NRG1: variants seen among roughly 807,000 people sequenced by gnomAD.
NRG1 encodes the protein neuregulin 1.
In NRG1, 18 loss-of-function variants were observed where a neutral mutation model predicts 63.8. The ratio of observed to expected loss-of-function variants is 0.28; its 90% confidence interval spans 0.19 to 0.42. NRG1 has a LOEUF of 0.42. Among genes scored for constraint, NRG1 ranks in the 10% least tolerant of loss-of-function variants. The pLI is 1.00. For synonymous variants in NRG1, 302 were observed against 301.3 expected (o/e 1.00, Z -0.02); for missense variants, 762 against 814.7 (o/e 0.94, Z 0.79).
intron 1 of NRG1, among the ~76,000 whole-genome samples, chr8:32,165,654 T>C (rs758856176): frequency 6.6e-6 from 1 of 152,200 alleles, no homozygotes; most frequent in Non-Finnish European, 1.5e-5. Context: ...TAATGTGTAA[T>C]TCTGAATTTA....
Position 31,854,062 on chromosome 8 carries a change from T to C in NRG1, c.37+214631T>C, listed in dbSNP as rs1276350753. ...CATCAATGTTCATCAAGGATATTGG[T>C]CTAAAATTCTCTTTTTTTGTTGTGT... On this transcript the variant is annotated intron_variant, in intron 1 of 10. Coordinates refer to the NRG1 transcript ENST00000519301. Among the ~76,000 whole-genome samples, 7 of 151,294 alleles carry C rather than the reference T, an allele frequency of 4.6e-5. No individual in the cohort carries two copies. The East Asian group carries it at 9.8e-4, about 21-fold the overall frequency.
Position 31,854,856 on chromosome 8 carries a change from C to T in NRG1, c.37+215425C>T, listed in dbSNP as rs1011221577. 1.1e-4 allele frequency among the ~76,000 whole-genome samples: 16 copies of T among 152,186 alleles called. No homozygotes were observed. The East Asian group carries it at 1.9e-3, about 18-fold the overall frequency. On this transcript the variant is annotated intron_variant, in intron 1 of 10. Coordinates refer to the NRG1 transcript ENST00000519301. ...CAAAGAACATCTTTATTTCTGCCTT[C>T]GTTTCGTTATGTACCCAGTAGTCAT... is the stretch of plus-strand genomic sequence containing the variant.
Position 31,856,447 on chromosome 8 carries a change from T to G in NRG1, c.37+217016T>G, listed in dbSNP as rs1453152471. On this transcript the variant is annotated intron_variant, in intron 1 of 10. Coordinates refer to the NRG1 transcript ENST00000519301. ...GCATTCTTCACGTAGTTCTCGAGCC[T>G]TGGTTTTTAGCTCCATCAGCTCCTT... is the stretch of plus-strand genomic sequence containing the variant. Among the ~76,000 whole-genome samples, 3 of 152,244 alleles carry G rather than the reference T, an allele frequency of 2.0e-5. No individual in the cohort carries two copies. The East Asian group carries it at 5.8e-4, about 29-fold the overall frequency.
intron 1 of NRG1, among the ~76,000 whole-genome samples, chr8:32,222,682 C>T (rs1222576452): frequency 6.6e-6 from 1 of 152,162 alleles, no homozygotes; most frequent in African/African-American, 2.4e-5. Context: ...TTTTCCCCCA[C>T]TGTCACTGCA....
chr8:32,575,536 A>G (rs1839467412), intron 1 of NRG1, among the ~76,000 whole-genome samples: 1 of 152,142 alleles, frequency 6.6e-6, no homozygotes, highest in Admixed American at 6.5e-5. Context: ...GCTCAACTGC[A>G]TGGATATTTA....
At chr8:32,695,358 A>G (rs775043599) in intron 5 of NRG1, among the ~76,000 whole-genome samples, 7 of 151,984 alleles carry the variant, frequency 4.6e-5, no homozygotes, top group Non-Finnish European at 8.8e-5. Flanking sequence ...AGAAGGAAAG[A>G]AAGAGAGAGA....
At chr8:32,076,014 G>A (rs1826478100) in intron 1 of NRG1, among the ~76,000 whole-genome samples, 1 of 152,182 alleles carries the variant, frequency 6.6e-6, no homozygotes, top group African/African-American at 2.4e-5. Flanking sequence ...TTTGATCTAT[G>A]ATTGGTTGAA....
chr8:32,705,864 C>T (rs2128970755), intron 5 of NRG1, among the ~76,000 whole-genome samples: 1 of 152,330 alleles, frequency 6.6e-6, no homozygotes, highest in East Asian at 1.9e-4. Context: ...AAAAACATTT[C>T]CTACATGTCC....
chr8:32,314,713 G>C (rs1401330203), intron 1 of NRG1, among the ~76,000 whole-genome samples: 1 of 152,188 alleles, frequency 6.6e-6, no homozygotes, highest in Non-Finnish European at 1.5e-5. Flanking sequence ...CCTCCCTGCA[G>C]TCTGAGGAAT....
At chr8:32,705,578 C>T (rs1816183355) in intron 5 of NRG1, among the ~76,000 whole-genome samples, 1 of 152,196 alleles carries the variant, frequency 6.6e-6, no homozygotes, top group Non-Finnish European at 1.5e-5. Context: ...TCCTCTTGAT[C>T]TACTCTTTAT....
chr8:32,218,917 G>C (rs1442290441), intron 1 of NRG1, among the ~76,000 whole-genome samples: 1 of 152,136 alleles, frequency 6.6e-6, no homozygotes, highest in Non-Finnish European at 1.5e-5. Context: ...ATGCATGGCA[G>C]TACCCTTAAT....
chr8:32,738,614 G>A (rs1002590880), intron 6 of NRG1, among the ~76,000 whole-genome samples: 6 of 152,300 alleles, frequency 3.9e-5, no homozygotes, highest in Admixed American at 1.3e-4. Context: ...TGGATTGAAT[G>A]TTTAACATAC....
rs556663637 is a variant in NRG1, at chr8:32,172,457, A to G, written c.38-423371A>G. The stretch of plus-strand genomic sequence containing the variant: ...AGAACGCCTCTCCTCCTCCAAAGGA[A>G]TGCAGCTCCTTACCAGCAATGGAAC... On this transcript the variant is annotated intron_variant, in intron 1 of 10. Coordinates refer to the NRG1 transcript ENST00000519301. Among the ~76,000 whole-genome samples the G allele has an allele frequency of 1.6e-4, 25 of 152,362 alleles. 1 individual carries two copies. In the South Asian group the frequency reaches 3.7e-3, roughly 23 times the overall value.
intron 1 of NRG1, among the ~76,000 whole-genome samples, chr8:31,798,665 G>A (rs1328508537): frequency 6.6e-6 from 1 of 152,086 alleles, no homozygotes; most frequent in African/African-American, 2.4e-5. Flanking sequence ...AGTGTCATAT[G>A]TACATAATAA....
At chr8:32,384,505 C>G (rs1810738833) in intron 1 of NRG1, among the ~76,000 whole-genome samples, 1 of 152,216 alleles carries the variant, frequency 6.6e-6, no homozygotes, top group South Asian at 2.1e-4. Context: ...ATGGACCAAA[C>G]TCTGGAGTAC....
At chr8:32,102,160 CAG>C (rs1830659848) in intron 1 of NRG1, among the ~76,000 whole-genome samples, 1 of 152,136 alleles carries the variant, frequency 6.6e-6, no homozygotes, top group Non-Finnish European at 1.5e-5. Context: ...TCTTTTGAGA[CAG>C]AGTCTCACTC....
upstream of NRG1, among the ~76,000 whole-genome samples, chr8:32,543,743 A>C (rs949214641): frequency 6.6e-6 from 1 of 152,220 alleles, no homozygotes; most frequent in African/African-American, 2.4e-5. Flanking sequence ...ATGTTGTTTG[A>C]ACATTGCCTT....
chr8:32,691,674 A>G (rs1430782146), intron 5 of NRG1, among the ~76,000 whole-genome samples: 5 of 152,322 alleles, frequency 3.3e-5, no homozygotes, highest in Non-Finnish European at 7.3e-5. Context: ...ACTTTGGGAA[A>G]ATGTAACTTT....
rs563809688 is a variant in NRG1 at position 32,555,647 on chromosome 8, A to G, written c.100+6821A>G. The stretch of plus-strand genomic sequence containing the variant: ...CCACCACGCCCGGCTGATTTTTTGT[A>G]TTTCTAGTAGAGACGGGGTTTCACC... On this transcript the variant is annotated intron_variant, in intron 1 of 11. Transcript: ENST00000356819. Among the ~76,000 whole-genome samples the G allele has an allele frequency of 8.3e-3, 1,261 of 151,916 alleles. 15 individuals carry two copies. Among genetic ancestry groups the G allele is most frequent in the African/African-American group, 0.029 (1,200 of 41,396 alleles).
Sources: allele counts gnomAD v4.1 joint callset (sites outside exome capture counted in the v4.1 genomes callset), GRCh38; gene constraint gnomAD v4.1.1; transcripts MANE v1.5; gene names NCBI Gene and HGNC (gene_info 2026-07-23, HGNC 2026-07-21).